Variants in SIL1 observed in about 807,000 individuals in gnomAD.
The protein encoded by SIL1 is nucleotide exchange factor SIL1.
SIL1 carries 40 observed loss-of-function variants against 49.1 expected under a neutral mutation model. That is an observed-to-expected ratio of 0.81 (90% confidence interval 0.63 to 1.06). SIL1 has a LOEUF of 1.06. SIL1 is among the 50% of genes least tolerant of loss of function. SIL1 has a pLI of 0.00. For synonymous variants in SIL1, 253 were observed against 250.8 expected (o/e 1.01, Z -0.08); for missense variants, 500 against 572.6 (o/e 0.87, Z 1.29).
intron 1 of SIL1, among the ~76,000 whole-genome samples, chr5:139,152,111 G>A (rs1267900878): frequency 2.0e-5 from 3 of 152,196 alleles, no homozygotes; most frequent in South Asian, 2.1e-4. Flanking sequence ...CCTGAACACC[G>A]CAGGCTCGGC....
chr5:138,996,667 G>A (rs140821466), intron 7 of SIL1, among the ~76,000 whole-genome samples: 1,827 of 151,584 alleles, frequency 0.012, 33 homozygotes, highest in African/African-American at 0.041. Context: ...CTACAGGTGC[G>A]AGCCACCACG....
intron 1 of SIL1, among the ~76,000 whole-genome samples, chr5:139,131,021 G>A (rs1254650596): frequency 2.0e-5 from 3 of 152,210 alleles, no homozygotes; most frequent in Admixed American, 6.5e-5. Flanking sequence ...ATTTGGAATA[G>A]TGAAAATATT....
Position 139,026,925 on chromosome 5 carries a change from A to G in SIL1, c.521T>C (p.Leu174Pro). Residue 174 changes from leucine to proline, a missense_variant, in exon 6 of 10, where the codon CTG becomes CCG. Physicochemically the swap from Leu to Pro is moderately conservative, Grantham distance 98. Coordinates refer to ENST00000394817, the MANE Select transcript of SIL1 (RefSeq NM_022464.5). ...IEELKKDFDE[L>P]NVVIETDMQI... ...CATGTCAGTCTCAATGACAACATTC[A>G]GCTCATCAAAGTCTTTCTTCAGTTC... 1 of 1,614,232 alleles carries G rather than the reference A, an allele frequency of 6.2e-7. No homozygotes were observed. The highest frequency in any genetic ancestry group is 8.5e-7 in the Non-Finnish European group (1 of 1,180,042).
chr5:139,058,970 A>ATGTGTGTGTGTGTG (rs61070788), intron 3 of SIL1, among the ~76,000 whole-genome samples: 16,125 of 150,150 alleles, frequency 0.11, 2,063 homozygotes, highest in African/African-American at 0.31. Flanking sequence ...AGAAATGTGT[A>ATGTGTGTGTGTGTG]TGTGTGTGTG....
At position 139,110,123 on chromosome 5, in the gene SIL1, C is replaced by A. The variant is rs998017162; in HGVS notation, c.244+10912G>T. On this transcript the variant is annotated intron_variant, in intron 3 of 9. Transcript: ENST00000394817. ...GATGGAGGTTGCAGTGAGCCGAGAT[C>A]ACGCCATTGCACTCCAGCCTGGGTG... is the stretch of plus-strand genomic sequence containing the variant. Among the ~76,000 whole-genome samples, 191 of 150,498 alleles carry A rather than the reference C, an allele frequency of 1.3e-3. 3 individuals carry two copies. Among genetic ancestry groups the A allele is most frequent in the Non-Finnish European group, 8.6e-4 (58 of 67,708 alleles).
intron 7 of SIL1, among the ~76,000 whole-genome samples, chr5:139,007,968 G>A (rs1324569303): frequency 1.3e-5 from 2 of 151,792 alleles, no homozygotes; most frequent in Non-Finnish European, 2.9e-5. Context: ...GGATGATGCT[G>A]GCCTCATAAA....
chr5:139,088,840 C>G (rs1244210427), intron 3 of SIL1, among the ~76,000 whole-genome samples: 1 of 152,228 alleles, frequency 6.6e-6, no homozygotes, highest in Non-Finnish European at 1.5e-5. Flanking sequence ...ATACTCACTT[C>G]AGAACTCCTC....
At chr5:138,971,657 A>T (rs1363386576) in intron 7 of SIL1, among the ~76,000 whole-genome samples, 1 of 152,110 alleles carries the variant, frequency 6.6e-6, no homozygotes, top group Non-Finnish European at 1.5e-5. Flanking sequence ...CCCCATTCAC[A>T]CCAATGGTTT....
At position 139,194,757 on chromosome 5, in the gene SIL1, G is replaced by C. The variant is rs1752233571; in HGVS notation, c.-11+3512C>G. ...GTTCAGATTAGCTCTCCTGAAAAGA[G>C]GCTTACTACAAGAGACTGGCAGACA... On this transcript the variant is annotated intron_variant, in intron 1 of 9. Transcript: ENST00000394817. 2.0e-5 allele frequency among the ~76,000 whole-genome samples: 3 copies of C among 152,172 alleles called. No individual in the cohort carries two copies. The South Asian group carries it at 6.2e-4, about 31-fold the overall frequency.
At position 139,029,167 on chromosome 5, in the gene SIL1, C is replaced by T. The variant is rs571354433; in HGVS notation, c.454-2175G>A. Among the ~76,000 whole-genome samples the T allele has an allele frequency of 8.6e-5, 13 of 152,034 alleles. No homozygotes were observed. The East Asian group carries it at 1.5e-3, about 18-fold the overall frequency. ...GAGAACTGGCCAGCAAAGATGAAAGCGCAGCAAATAAATGAAAGGTGGTAA... is the reference window on the plus strand; with the variant it reads ...GAGAACTGGCCAGCAAAGATGAAAGTGCAGCAAATAAATGAAAGGTGGTAA... On this transcript the variant is annotated intron_variant, in intron 5 of 9. Coordinates refer to ENST00000394817, the MANE Select transcript of SIL1 (RefSeq NM_022464.5).
intron 3 of SIL1, among the ~76,000 whole-genome samples, chr5:139,053,029 C>G (rs949625801): frequency 2.6e-5 from 4 of 152,172 alleles, no homozygotes; most frequent in Non-Finnish European, 5.9e-5. Context: ...TAACAAAGAA[C>G]TGGCAACTTC....
chr5:138,956,581 T>G (rs1339352003), intron 7 of SIL1, among the ~76,000 whole-genome samples: 1 of 151,854 alleles, frequency 6.6e-6, no homozygotes, highest in Non-Finnish European at 1.5e-5. Flanking sequence ...CCGTCTCTAC[T>G]AAAAATACAA....
intron 1 of SIL1, among the ~76,000 whole-genome samples, chr5:139,145,952 G>T (rs1751188340): frequency 6.6e-6 from 1 of 151,682 alleles, no homozygotes; most frequent in Non-Finnish European, 1.5e-5. Context: ...TTTATGCTTT[G>T]TGTGTGTGTA....
chr5:139,026,744 G>A, intron 6 of SIL1, 57 bp downstream of exon 6: 1 of 1,488,792 alleles, frequency 6.7e-7, no homozygotes, highest in Non-Finnish European at 9.4e-7. Flanking sequence ...CTTAGGGAAG[G>A]GGGATTTATT....
chr5:139,117,464 C>T (rs74516921), intron 3 of SIL1, among the ~76,000 whole-genome samples: 5,312 of 152,222 alleles, frequency 0.035, 290 homozygotes, highest in African/African-American at 0.12. Context: ...ATAGATGATG[C>T]CCAGGGTGCA....
intron 7 of SIL1, among the ~76,000 whole-genome samples, chr5:138,979,836 C>T (rs1767477677): frequency 6.6e-6 from 1 of 152,186 alleles, no homozygotes; most frequent in Non-Finnish European, 1.5e-5. Flanking sequence ...CGGTCTTCCA[C>T]AAGAGCATGG....
chr5:139,167,171 TC>T (rs1456906231), intron 1 of SIL1, among the ~76,000 whole-genome samples: 1 of 151,390 alleles, frequency 6.6e-6, no homozygotes, highest in Non-Finnish European at 1.5e-5. Flanking sequence ...CCCAGGCTGA[TC>T]CTGAACTCCT....
At chr5:139,066,173 C>T (rs1243304180) in intron 3 of SIL1, among the ~76,000 whole-genome samples, 1 of 152,112 alleles carries the variant, frequency 6.6e-6, no homozygotes, top group Non-Finnish European at 1.5e-5. Context: ...TCCCTGCTGC[C>T]CTCCGAAGTA....
chr5:139,152,734 G>C (rs1489762103), intron 1 of SIL1, among the ~76,000 whole-genome samples: 1 of 151,964 alleles, frequency 6.6e-6, no homozygotes, highest in Non-Finnish European at 1.5e-5. Context: ...GGTTTTCCAG[G>C]ACCCTCAGAA....
Sources: gnomAD v4.1 joint callset for allele counts (sites outside exome capture counted in the v4.1 genomes callset) on GRCh38, gnomAD v4.1.1 for gene constraint, MANE v1.5 for transcripts, NCBI Gene and HGNC (gene_info 2026-07-23, HGNC 2026-07-21) for gene names.